The following RNF170 variants were observed in gnomAD, a reference collection of about 807,000 sequenced individuals.
RNF170 encodes the protein ring finger protein 170, also known as E3 ubiquitin-protein ligase RNF170.
In RNF170, 12 loss-of-function variants were observed where a neutral mutation model predicts 32.7. The ratio of observed to expected loss-of-function variants is 0.37; its 90% CI spans 0.24 to 0.60. The LOEUF (loss-of-function observed/expected upper bound fraction) is 0.60, where lower values mean the gene tolerates loss of function less well. RNF170 is among the 20% of genes least tolerant of loss of function. RNF170 has a pLI of 0.72. For missense variants in RNF170, 212 were observed against 311.2 expected, an observed-to-expected ratio of 0.68 and a Z score of 2.40; for synonymous variants, 91 against 103.6, an observed-to-expected ratio of 0.88 and a Z score of 0.74.
chr8:42,853,650 T>C lies in RNF170; in HGVS notation c.*2509A>G, dbSNP rs182069000. 1.3e-3 allele frequency: 1,662 copies of C among 1,286,224 alleles called. 2 individuals carry two copies. The highest frequency in any genetic ancestry group is 1.5e-3 in the Non-Finnish European group (1,438 of 988,048). The allele number at this position is 1,286,224 out of a possible 1,614,324, so 79.7% of individuals were successfully genotyped here. The stretch of plus-strand genomic sequence containing the variant: ...CAAATTGTTACTTTGATTTATATGA[T>C]CTAACTCTGAATCACGGAAGTATTA... On this transcript the variant is annotated 3_prime_UTR_variant, in exon 7 of 7. Transcript: ENST00000527424.
chr8:42,894,796 C>T (rs1159394983), intron 1 of RNF170, among the ~76,000 whole-genome samples: 2 of 152,062 alleles, frequency 1.3e-5, no homozygotes, highest in African/African-American at 2.4e-5. Context: ...CATCGTGATC[C>T]GCTCGCCTCG....
At chr8:42,863,678 G>C (rs182022093) in intron 5 of RNF170, among the ~76,000 whole-genome samples, 96 of 152,306 alleles carry the variant, frequency 6.3e-4, no homozygotes, top group African/African-American at 2.1e-3. Context: ...TTGACCTTGT[G>C]ATCTGCCCGC....
chr8:42,867,471 CAAA>C (rs34272095), intron 4 of RNF170, among the ~76,000 whole-genome samples: 3 of 35,704 alleles, frequency 8.4e-5, no homozygotes, highest in Admixed American at 7.4e-4. Flanking sequence ...AACTCCGTCT[CAAA>C]AAAAAAAAAA....
At chr8:42,869,553 A>G (rs1257499798) in intron 4 of RNF170, among the ~76,000 whole-genome samples, 2 of 152,220 alleles carry the variant, frequency 1.3e-5, no homozygotes, top group Non-Finnish European at 2.9e-5. Context: ...TTTTAGTACA[A>G]ACTCAGAGTC....
At position 42,855,948 on chromosome 8, in the gene RNF170, T is replaced by G; in HGVS notation, c.*211A>C. 1 of 1,361,456 alleles carries G rather than the reference T, an allele frequency of 7.3e-7. No individual in the cohort carries two copies. The highest frequency in any genetic ancestry group is 9.8e-7 in the Non-Finnish European group (1 of 1,025,014). 84.3% of individuals were successfully genotyped at this position (1,361,456 alleles called of 1,614,324 possible). ...ATCAAGATACAACTGTAGATCATTA[T>G]AATTCTAAACTTAATATTAGAACTT... On this transcript the variant is annotated 3_prime_UTR_variant, in exon 7 of 7. Transcript: ENST00000527424.
intron 1 of RNF170, among the ~76,000 whole-genome samples, chr8:42,892,611 A>G (rs140142562): frequency 6.6e-6 from 1 of 152,000 alleles, no homozygotes; most frequent in African/African-American, 2.4e-5. Context: ...CTTAGTTCCA[A>G]GCATATAAAG....
At chr8:42,864,906 G>C (rs777260024) in intron 5 of RNF170, among the ~76,000 whole-genome samples, 20 of 151,326 alleles carry the variant, frequency 1.3e-4, no homozygotes, top group Non-Finnish European at 2.1e-4. Context: ...CTTTTGTAGT[G>C]GTATCTCAGT....
At chr8:42,877,209 A>C (rs917190349) in intron 2 of RNF170, among the ~76,000 whole-genome samples, 2 of 151,144 alleles carry the variant, frequency 1.3e-5, no homozygotes, top group Non-Finnish European at 2.9e-5. Flanking sequence ...TACAGGCGTG[A>C]GCCACTGCGC....
Position 42,885,914 on chromosome 8 carries a change from G to A in RNF170, c.137+1814C>T, listed in dbSNP as rs1054326303. On this transcript the variant is annotated intron_variant, in intron 2 of 6. Transcript: ENST00000527424. Reference sequence around the variant, plus strand: ...CTGAGACTACAGGATGCACCACCACGCCTGCCTAATTTTAAAATTTTTGGT... The same window carrying A: ...CTGAGACTACAGGATGCACCACCACACCTGCCTAATTTTAAAATTTTTGGT... Among the ~76,000 whole-genome samples, 17 of 151,932 alleles carry A rather than the reference G, an allele frequency of 1.1e-4. 2 individuals are homozygous for A. Among genetic ancestry groups the A allele is most frequent in the Non-Finnish European group, 1.6e-4 (11 of 67,970 alleles).
At chr8:42,886,174 A>G (rs1805807446) in intron 2 of RNF170, among the ~76,000 whole-genome samples, 1 of 151,964 alleles carries the variant, frequency 6.6e-6, no homozygotes, top group Non-Finnish European at 1.5e-5. Context: ...CAGTGAGCCG[A>G]GATCACGCCA....
chr8:42,865,494 TAGACA>T lies in RNF170; in HGVS notation c.323-10_323-6del, dbSNP rs747267716. ...AGTAAGCAATAATGCAGGCACCTAA[TAGACA>T]AAACAAAACAAACACATAACCCATT... On this transcript the variant is annotated splice_region_variant and splice_polypyrimidine_tract_variant and intron_variant, in intron 4 of 6. Transcript: ENST00000527424. 3.7e-6 allele frequency: 6 copies of T among 1,610,682 alleles called. No individual in the cohort carries two copies. Among genetic ancestry groups the T allele is most frequent in the Non-Finnish European group, 5.1e-6 (6 of 1,177,036 alleles).
At chr8:42,896,928 C>G (rs1806982733), upstream of RNF170, 1 of 386,706 alleles carries the variant, frequency 2.6e-6, no homozygotes, top group Non-Finnish European at 4.5e-6. Flanking sequence ...GCGCGGCTGG[C>G]GCGCGGTCCC....
Position 42,886,503 on chromosome 8 carries a change from GCAACC to G in RNF170, c.137+1220_137+1224del, listed in dbSNP as rs1245739008. 9.1e-3 allele frequency among the ~76,000 whole-genome samples: 1,390 copies of G among 152,210 alleles called. 16 individuals are homozygous for G. The highest frequency in any genetic ancestry group is 0.031 in the African/African-American group (1,296 of 41,558). On this transcript the variant is annotated intron_variant, in intron 2 of 6. Transcript: ENST00000527424. ...TAATAAGAGACTATCTTGGATCACT[GCAACC>G]TCTGCCTCCCAAGTTCAAGTGATTC...
chr8:42,897,243 G>A, upstream of RNF170: 4 of 1,161,626 alleles, frequency 3.4e-6, no homozygotes, highest in South Asian at 4.4e-5. Flanking sequence ...CACCTACCGG[G>A]ACCCTCCACG....
intron 6 of RNF170, among the ~76,000 whole-genome samples, chr8:42,860,800 C>G (rs911681877): frequency 1.3e-5 from 2 of 152,102 alleles, no homozygotes; most frequent in Non-Finnish European, 2.9e-5. Flanking sequence ...TCACTGCAAC[C>G]TCTGTCTGCC....
chr8:42,851,803 A>G (rs534453061), downstream of RNF170, among the ~76,000 whole-genome samples: 3 of 152,070 alleles, frequency 2.0e-5, no homozygotes, highest in East Asian at 5.8e-4. Context: ...ACGTCTGGCT[A>G]ATTTTATTTG....
chr8:42,851,564 CA>C (rs11345853), downstream of RNF170, among the ~76,000 whole-genome samples: 18,165 of 82,482 alleles, frequency 0.22, 1,396 homozygotes, highest in African/African-American at 0.36. Context: ...GACTCCGTCT[CA>C]AAAAAAAAAA....
rs1803199445 is a variant in RNF170, at chr8:42,855,671, TTAGC to T, written c.*484_*487del. 1 of 1,283,892 alleles carries T rather than the reference TTAGC, an allele frequency of 7.8e-7. No individual in the cohort carries two copies. The highest frequency in any genetic ancestry group is 1.0e-6 in the Non-Finnish European group (1 of 986,864). 79.5% of individuals were successfully genotyped at this position (1,283,892 alleles called of 1,614,324 possible). A position where few individuals can be genotyped will look rare whatever the true frequency, so the allele number is the denominator to read the frequency against. On this transcript the variant is annotated 3_prime_UTR_variant, in exon 7 of 7. Transcript: ENST00000527424. ...CAGAACTGCTCCAAATGCACAAAACTTAGCTAGCACTAAAAGAAATACTGAATTT... is the reference window on the plus strand; with the variant it reads ...CAGAACTGCTCCAAATGCACAAAACTTAGCACTAAAAGAAATACTGAATTT...
downstream of RNF170, chr8:42,850,964 G>A: frequency 6.4e-7 from 1 of 1,551,640 alleles, no homozygotes; most frequent in Admixed American, 2.0e-5. Flanking sequence ...TGATGGGTCT[G>A]CTCACTTGCA....
Sources: allele counts gnomAD v4.1 joint callset (sites outside exome capture counted in the v4.1 genomes callset), GRCh38; gene constraint gnomAD v4.1.1; transcripts MANE v1.5; gene names NCBI Gene and HGNC (gene_info 2026-07-23, HGNC 2026-07-21).